GCNT1: variants seen among roughly 807,000 people sequenced by gnomAD.
GCNT1 encodes glucosaminyl (N-acetyl) transferase 1.
In GCNT1, 16 loss-of-function variants were observed where a neutral mutation model predicts 26.2. That is an observed-to-expected ratio of 0.61 (90% CI 0.41 to 0.93). The LOEUF (loss-of-function observed/expected upper bound fraction) is 0.93. Among genes scored for constraint, GCNT1 ranks in the 40% least tolerant of loss-of-function variants. The pLI, the probability that GCNT1 is intolerant of heterozygous loss-of-function variation, is 0.00. For synonymous variants in GCNT1, 183 were observed against 190.8 expected, an observed-to-expected ratio of 0.96 and a Z score of 0.34; for missense variants, 477 against 526.7, an observed-to-expected ratio of 0.91 and a Z score of 0.92.
chr9:76,454,064 G>A (rs1396152300), intron 1 of GCNT1, among the ~76,000 whole-genome samples: 1 of 151,952 alleles, frequency 6.6e-6, no homozygotes, highest in Admixed American at 6.6e-5. Context: ...TTCTTTTTTT[G>A]GTAGTAGTAA....
intron 2 of GCNT1, among the ~76,000 whole-genome samples, chr9:76,461,122 G>C (rs926796362): frequency 1.3e-5 from 2 of 151,728 alleles, no homozygotes; most frequent in African/African-American, 4.8e-5. Context: ...ACCTGCTAAG[G>C]CTGGGTGGAT....
chr9:76,445,264 A>G (rs1823556401), intron 1 of GCNT1, among the ~76,000 whole-genome samples: 1 of 152,126 alleles, frequency 6.6e-6, no homozygotes, highest in South Asian at 2.1e-4. Context: ...GCCCCAGTGG[A>G]AGGGTTGGCT....
chr9:76,495,060 A>C (rs1380755490), intron 2 of GCNT1, among the ~76,000 whole-genome samples: 1 of 152,136 alleles, frequency 6.6e-6, no homozygotes, highest in African/African-American at 2.4e-5. Flanking sequence ...ACTGGCCGAT[A>C]GGTGCCCAGT....
At chr9:76,445,161 G>C (rs73650221) in intron 1 of GCNT1, among the ~76,000 whole-genome samples, 2,540 of 152,196 alleles carry the variant, frequency 0.017, 80 homozygotes, top group African/African-American at 0.058. Context: ...TCTGTGGAGA[G>C]AAAAAAAGTT....
intron 1 of GCNT1, among the ~76,000 whole-genome samples, chr9:76,435,604 T>C (rs1266100555): frequency 6.6e-6 from 1 of 152,222 alleles, no homozygotes; most frequent in African/African-American, 2.4e-5. Flanking sequence ...TCTGTCCTCT[T>C]GTGTGTACCC....
intron 1 of GCNT1, among the ~76,000 whole-genome samples, chr9:76,452,597 G>T (rs943296930): frequency 6.6e-6 from 1 of 152,030 alleles, no homozygotes; most frequent in Non-Finnish European, 1.5e-5. Flanking sequence ...GCTGGAGCAG[G>T]GGGAGGAGAG....
rs1322608017 is a variant in GCNT1, at chr9:76,503,603, C to T, written c.1222C>T (p.Leu408Phe). ...CAATAAGTTTGACGTGGATGTTGAC[C>T]TCTTTGCCATCCAGTGTTTGGATGA... ...FANKFDVDVD[L>F]FAIQCLDEHL... Residue 408 changes from leucine (L) to phenylalanine (F), a missense_variant, in exon 4 of 4, where the codon CTC becomes TTC. Transcript: ENST00000376730. 4 of 1,613,992 alleles carry T rather than the reference C, an allele frequency of 2.5e-6. No individual in the cohort carries two copies. The highest frequency in any genetic ancestry group is 2.2e-5 in the East Asian group (1 of 44,890).
At chr9:76,413,668 G>GTTTTTTTTTTTTTTTTTGTTT in the GCNT1 span, among the ~76,000 whole-genome samples, 1 of 84,212 alleles carries the variant, frequency 1.2e-5, no homozygotes, top group Non-Finnish European at 2.6e-5. Flanking sequence ...TTTTTTTTTT[G>GTTTTTTTTTTTTTTTTTGTTT]TTTTTTTTTT....
intron 1 of GCNT1, among the ~76,000 whole-genome samples, chr9:76,444,513 T>TGAC (rs1823543684): frequency 6.6e-6 from 1 of 152,096 alleles, no homozygotes; most frequent in Non-Finnish European, 1.5e-5. Context: ...GGTCAAGGAG[T>TGAC]GACGATTTGT....
chr9:76,461,979 G>T (rs1339386364), intron 2 of GCNT1, among the ~76,000 whole-genome samples: 2 of 152,178 alleles, frequency 1.3e-5, no homozygotes, highest in African/African-American at 4.8e-5. Flanking sequence ...ACTGTACACG[G>T]TGATTATATT....
the GCNT1 span, among the ~76,000 whole-genome samples, chr9:76,396,466 AAAGAAAG>A: frequency 2.0e-5 from 3 of 151,984 alleles, no homozygotes. Context: ...AAGAGAGAAA[AAAGAAAG>A]AAAAGAAAAG....
intron 2 of GCNT1, among the ~76,000 whole-genome samples, chr9:76,499,285 G>A (rs1049472185): frequency 8.6e-5 from 13 of 151,764 alleles, no homozygotes; most frequent in Non-Finnish European, 1.5e-4. Flanking sequence ...GCACCACTAC[G>A]CCCGGCTAAT....
chr9:76,497,562 C>T (rs1005199204), intron 2 of GCNT1, among the ~76,000 whole-genome samples: 2 of 152,142 alleles, frequency 1.3e-5, no homozygotes, highest in African/African-American at 2.4e-5. Flanking sequence ...AGTGATTTTA[C>T]GTTGTAAAAA....
chr9:76,419,513 T>A (rs1044934617), upstream of GCNT1, among the ~76,000 whole-genome samples: 3 of 152,050 alleles, frequency 2.0e-5, no homozygotes, highest in Admixed American at 2.0e-4. Context: ...CTACGAAAAT[T>A]AGCCAGGCAT....
At chr9:76,463,470 G>T (rs1823921217) in intron 2 of GCNT1, among the ~76,000 whole-genome samples, 1 of 152,182 alleles carries the variant, frequency 6.6e-6, no homozygotes, top group East Asian at 1.9e-4. Flanking sequence ...TGGAGTTTCT[G>T]CTTCCTTGAT....
At chr9:76,480,463 C>G (rs949135463) in intron 2 of GCNT1, among the ~76,000 whole-genome samples, 1 of 152,072 alleles carries the variant, frequency 6.6e-6, no homozygotes, top group Non-Finnish European at 1.5e-5. Context: ...GCCATTTTCA[C>G]GATATTGATT....
At position 76,431,289 on chromosome 9, in the gene GCNT1, A is replaced by G. The variant is rs147589146; in HGVS notation, n.38+11402A>G. 2.6e-3 allele frequency among the ~76,000 whole-genome samples: 400 copies of G among 152,230 alleles called. 1 individual carries two copies. The highest frequency in any genetic ancestry group is 9.3e-3 in the African/African-American group (387 of 41,548). ...CAATCCTCCACAAGACTGCCCTCAC[A>G]TCAGATGCCAGCCCTTAGCAGGGAC... On this transcript the variant is annotated intron_variant and non_coding_transcript_variant, in intron 1 of 3. Transcript: ENST00000488136.
the GCNT1 span, among the ~76,000 whole-genome samples, chr9:76,407,555 CAGTCCTCTGA>C: frequency 6.6e-6 from 1 of 152,260 alleles, no homozygotes; most frequent in East Asian, 1.9e-4. Flanking sequence ...CAGGTAGTGT[CAGTCCTCTGA>C]CTAACACTCA....
chr9:76,465,083 A>G (rs1823962989), intron 2 of GCNT1, among the ~76,000 whole-genome samples: 1 of 151,950 alleles, frequency 6.6e-6, no homozygotes, highest in African/African-American at 2.4e-5. Flanking sequence ...CCTGGGCTCA[A>G]GTGATCCTCC....
Sources: allele counts gnomAD v4.1 joint callset (sites outside exome capture counted in the v4.1 genomes callset), GRCh38; gene constraint gnomAD v4.1.1; transcripts MANE v1.5; gene names NCBI Gene and HGNC (gene_info 2026-07-23, HGNC 2026-07-21).